Variants in MAST4 observed in about 807,000 individuals in gnomAD.
MAST4 encodes microtubule-associated serine/threonine-protein kinase 4.
In MAST4, 89 loss-of-function variants were observed where a neutral mutation model predicts 162.7. The ratio of observed to expected loss-of-function variants is 0.55; its 90% CI spans 0.46 to 0.65. The LOEUF (loss-of-function observed/expected upper bound fraction) is 0.65. Among genes scored for constraint, MAST4 ranks in the 30% least tolerant of loss-of-function variants. MAST4 has a pLI of 0.00. For synonymous variants in MAST4, 1,479 were observed against 1,361.1 expected, an observed-to-expected ratio of 1.09 and a Z score of -1.91; for missense variants, 3,153 against 3,374.0, an observed-to-expected ratio of 0.93 and a Z score of 1.62.
At chr5:66,705,597 C>T (rs1750078610) in intron 1 of MAST4, among the ~76,000 whole-genome samples, 1 of 152,172 alleles carries the variant, frequency 6.6e-6, no homozygotes, top group South Asian at 2.1e-4. Context: ...ACCTAGTTGA[C>T]TACAAAACTG....
At chr5:66,711,968 G>C (rs1045356407) in intron 1 of MAST4, among the ~76,000 whole-genome samples, 3 of 152,180 alleles carry the variant, frequency 2.0e-5, no homozygotes, top group African/African-American at 4.8e-5. Flanking sequence ...ACGTTCACCA[G>C]TTCAGGAGAT....
chr5:66,744,260 G>C (rs1164416236), intron 1 of MAST4, among the ~76,000 whole-genome samples: 5 of 152,062 alleles, frequency 3.3e-5, no homozygotes, highest in African/African-American at 1.2e-4. Context: ...TGGGGCCCCT[G>C]GGCTGCTGAT....
At chr5:66,946,526 G>T (rs774355336) in intron 4 of MAST4, among the ~76,000 whole-genome samples, 11 of 152,128 alleles carry the variant, frequency 7.2e-5, no homozygotes, top group Non-Finnish European at 1.3e-4. Flanking sequence ...TCAAAGGAAT[G>T]ATACAGGCAT....
chr5:67,027,318 A>T (rs1754777770), intron 4 of MAST4, among the ~76,000 whole-genome samples: 1 of 152,218 alleles, frequency 6.6e-6, no homozygotes, highest in Admixed American at 6.5e-5. Flanking sequence ...TTTTATTCTC[A>T]TCAGATTCCC....
chr5:67,103,206 T>C (rs35836958), intron 9 of MAST4, among the ~76,000 whole-genome samples: 1 of 152,226 alleles, frequency 6.6e-6, no homozygotes, highest in Non-Finnish European at 1.5e-5. Flanking sequence ...AAGGACCTGC[T>C]CTCAGATGGT....
intron 11 of MAST4, 144 bp downstream of exon 11, chr5:67,110,343 A>T: frequency 1.6e-6 from 1 of 620,400 alleles, no homozygotes; most frequent in Non-Finnish European, 2.9e-6. Context: ...GTTTATGATG[A>T]TGTCGATATG....
chr5:66,764,908 A>G (rs1443661225), intron 2 of MAST4, among the ~76,000 whole-genome samples: 1 of 152,072 alleles, frequency 6.6e-6, no homozygotes, highest in Non-Finnish European at 1.5e-5. Flanking sequence ...TTCACTCACT[A>G]CTCACTGACT....
At chr5:66,853,051 T>C (rs1204404362) in intron 3 of MAST4, among the ~76,000 whole-genome samples, 1 of 152,226 alleles carries the variant, frequency 6.6e-6, no homozygotes, top group Non-Finnish European at 1.5e-5. Flanking sequence ...CTTTGTGATT[T>C]TCCTCCCATA....
chr5:66,870,954 G>A (rs1760888926), intron 3 of MAST4: 1 of 421,366 alleles, frequency 2.4e-6, no homozygotes, highest in East Asian at 7.1e-5. Context: ...ATATTCCAGG[G>A]CTTTAGAATA....
intron 26 of MAST4, among the ~76,000 whole-genome samples, chr5:67,159,880 T>C (rs1772990783): frequency 6.6e-6 from 1 of 152,200 alleles, no homozygotes; most frequent in Non-Finnish European, 1.5e-5. Context: ...TTTATGGTGA[T>C]AGAAAAGGAG....
chr5:66,992,079 T>A (rs1339294594), intron 4 of MAST4, among the ~76,000 whole-genome samples: 1 of 152,236 alleles, frequency 6.6e-6, no homozygotes, highest in African/African-American at 2.4e-5. Flanking sequence ...AAATAACTCA[T>A]GTAGGATGAA....
chr5:66,887,070 G>A (rs937002799), intron 3 of MAST4, among the ~76,000 whole-genome samples: 8 of 151,964 alleles, frequency 5.3e-5, no homozygotes, highest in African/African-American at 1.5e-4. Flanking sequence ...AAACAAAAAC[G>A]AAACAAAACA....
chr5:66,901,669 A>C (rs1040509831), intron 4 of MAST4, among the ~76,000 whole-genome samples: 3 of 152,166 alleles, frequency 2.0e-5, no homozygotes, highest in Admixed American at 6.5e-5. Flanking sequence ...CATGAAGCAC[A>C]CTGTATATGT....
At chr5:66,612,798 AT>A (rs1204292070) in intron 1 of MAST4, among the ~76,000 whole-genome samples, 1 of 152,204 alleles carries the variant, frequency 6.6e-6, no homozygotes, top group Non-Finnish European at 1.5e-5. Context: ...TCAGATTTAA[AT>A]TATTTGGCCT....
chr5:66,715,437 A>G lies in MAST4; in HGVS notation c.364-44272A>G, dbSNP rs1239102106. On this transcript the variant is annotated intron_variant, in intron 1 of 28. Coordinates refer to ENST00000403625, the MANE Select transcript of MAST4 (RefSeq NM_001164664.2). ...AATTAAGGGCCACAGCTATCACAAC[A>G]CTTCTTTCATTCCCATCAACTTATT... Among the ~76,000 whole-genome samples, 3 of 147,088 alleles carry G rather than the reference A, an allele frequency of 2.0e-5. No homozygotes were observed. In the Admixed American group the frequency reaches 2.1e-4, roughly 11 times the overall value.
intron 1 of MAST4, among the ~76,000 whole-genome samples, chr5:66,729,166 G>A (rs188606882): frequency 4.6e-5 from 7 of 152,186 alleles, no homozygotes; most frequent in Admixed American, 2.0e-4. Context: ...TTATGTCAGT[G>A]AATGCAATGA....
rs556051099 is a variant in MAST4, at chr5:66,942,530, A to G, written c.674+42548A>G. ...TTGCAAATTTAAAAGTTATTTAGGT[A>G]TAACTAGCTAGTGGCTGTCATGCAG... On this transcript the variant is annotated intron_variant, in intron 4 of 28. Transcript: ENST00000403625. Among the ~76,000 whole-genome samples the G allele has an allele frequency of 1.0e-3, 153 of 152,268 alleles. 2 individuals are homozygous for G. Among genetic ancestry groups the G allele is most frequent in the South Asian group, 8.7e-3 (42 of 4,824 alleles).
intron 1 of MAST4, among the ~76,000 whole-genome samples, chr5:66,692,274 G>T (rs143959585): frequency 6.6e-6 from 1 of 152,176 alleles, no homozygotes; most frequent in East Asian, 1.9e-4. Flanking sequence ...ACTTCACTGG[G>T]CCTGAGACTT....
At chr5:66,729,987 C>T (rs1280574657) in intron 1 of MAST4, among the ~76,000 whole-genome samples, 1 of 152,082 alleles carries the variant, frequency 6.6e-6, no homozygotes, top group Non-Finnish European at 1.5e-5. Context: ...GTTCTTTGAA[C>T]CTAGGGTTGT....
Sources: gnomAD v4.1 joint callset for allele counts (sites outside exome capture counted in the v4.1 genomes callset) on GRCh38, gnomAD v4.1.1 for gene constraint, MANE v1.5 for transcripts, NCBI Gene and HGNC (gene_info 2026-07-23, HGNC 2026-07-21) for gene names.